KCNK5: variants seen among roughly 807,000 people sequenced by gnomAD.
KCNK5 encodes the protein potassium two pore domain channel subfamily K member 5.
KCNK5 carries 18 observed loss-of-function variants against 32.9 expected under a neutral mutation model. That is an observed-to-expected ratio of 0.55 (90% CI 0.38 to 0.81). KCNK5 has a LOEUF of 0.81. KCNK5 is among the 30% of genes least tolerant of loss of function. The pLI, the probability that KCNK5 is intolerant of heterozygous loss-of-function variation, is 0.00. For missense variants in KCNK5, 507 were observed against 651.0 expected, an observed-to-expected ratio of 0.78 and a Z score of 2.41; for synonymous variants, 276 against 275.3, an observed-to-expected ratio of 1.00 and a Z score of -0.03.
Position 39,209,666 on chromosome 6 carries a change from C to A in KCNK5, c.187-13679G>T, listed in dbSNP as rs187849373. Among the ~76,000 whole-genome samples the A allele has an allele frequency of 8.8e-4, 134 of 152,316 alleles. 1 individual carries two copies. The highest frequency in any genetic ancestry group is 3.1e-3 in the African/African-American group (130 of 41,552). ...TGCGAGAGGCAGAAGGAACGAGGGC[C>A]ATGCCTCAGACACACACACATCCTT... On this transcript the variant is annotated intron_variant, in intron 1 of 4. Transcript: ENST00000359534.
At chr6:39,201,042 G>T (rs374858918) in intron 1 of KCNK5, among the ~76,000 whole-genome samples, 9 of 152,134 alleles carry the variant, frequency 5.9e-5, no homozygotes, top group Non-Finnish European at 1.0e-4. Context: ...AGCTACTCCC[G>T]GCCCTGCCTC....
intron 1 of KCNK5, among the ~76,000 whole-genome samples, chr6:39,224,440 C>A (rs926880815): frequency 6.6e-6 from 1 of 152,162 alleles, no homozygotes; most frequent in African/African-American, 2.4e-5. Context: ...GTAATTTTGT[C>A]ATATATTTCA....
At chr6:39,224,966 G>A (rs945224024) in intron 1 of KCNK5, among the ~76,000 whole-genome samples, 2 of 151,190 alleles carry the variant, frequency 1.3e-5, no homozygotes, top group African/African-American at 2.4e-5. Context: ...GTGCAGTGGC[G>A]CAATCCAGGC....
At chr6:39,221,613 A>G (rs756396517) in intron 1 of KCNK5, among the ~76,000 whole-genome samples, 34 of 152,150 alleles carry the variant, frequency 2.2e-4, no homozygotes, top group Non-Finnish European at 2.6e-4. Context: ...CGCAGAAGTA[A>G]AAATTCATCT....
At chr6:39,205,047 G>C (rs1377802534) in intron 1 of KCNK5, among the ~76,000 whole-genome samples, 3 of 152,236 alleles carry the variant, frequency 2.0e-5, no homozygotes, top group Non-Finnish European at 4.4e-5. Context: ...TAATCCCCCA[G>C]GGCAGGGGGG....
intron 1 of KCNK5, among the ~76,000 whole-genome samples, chr6:39,205,368 C>T (rs1771206146): frequency 6.6e-6 from 1 of 152,188 alleles, no homozygotes; most frequent in Non-Finnish European, 1.5e-5. Flanking sequence ...CCCTCTGAGG[C>T]CATGCTCTCA....
rs1770878063 is a variant in KCNK5, at chr6:39,189,309, C to G, written c.*1581G>C. 6.6e-6 allele frequency: 1 copy of G among 152,348 alleles called. No individual in the cohort carries two copies. The highest frequency in any genetic ancestry group is 2.4e-5 in the African/African-American group (1 of 41,452). 9.4% of individuals were successfully genotyped at this position (152,348 alleles called of 1,614,324 possible). A position where few individuals can be genotyped will look rare whatever the true frequency, so the allele number is the denominator to read the frequency against. On this transcript the variant is annotated 3_prime_UTR_variant, in exon 5 of 5. Transcript: ENST00000359534. The stretch of plus-strand genomic sequence containing the variant: ...TCTGATGACTTGCTTCCTGCCCGGC[C>G]TCCAGTCACCCGCAGTGGATGCCCC...
At chr6:39,215,542 C>T (rs925797503) in intron 1 of KCNK5, among the ~76,000 whole-genome samples, 7 of 152,290 alleles carry the variant, frequency 4.6e-5, no homozygotes, top group Non-Finnish European at 7.3e-5. Context: ...TTGCATTAGA[C>T]ACAAAGGGTA....
rs1771003389 is a variant in KCNK5 at position 39,194,940 on chromosome 6, T to C, written c.299-180A>G. On this transcript the variant is annotated intron_variant, in intron 2 of 4. Coordinates refer to ENST00000359534, the MANE Select transcript of KCNK5 (RefSeq NM_003740.4). This position sits in a 1 kb window ranked among gnomAD's most constrained non-coding sequence, Gnocchi z 4.7. ...ATGATCATTGATAAAGCAATTATGA[T>C]GACATGAGCTGTATCTCCTCCATCA... 6.6e-6 allele frequency among the ~76,000 whole-genome samples: 1 copy of C among 152,226 alleles called. No individual in the cohort carries two copies. The highest frequency in any genetic ancestry group is 1.9e-4 in the East Asian group (1 of 5,200).
chr6:39,190,716 G>A lies in KCNK5; in HGVS notation c.*174C>T. The A allele has an allele frequency of 1.7e-6, 1 of 579,538 alleles. No individual in the cohort carries two copies. Among genetic ancestry groups the A allele is most frequent in the Non-Finnish European group, 2.8e-6 (1 of 353,568 alleles). 35.9% of individuals were successfully genotyped at this position (579,538 alleles called of 1,614,324 possible). A position where few individuals can be genotyped will look rare whatever the true frequency, so the allele number is the denominator to read the frequency against. On this transcript the variant is annotated 3_prime_UTR_variant, in exon 5 of 5. Coordinates refer to ENST00000359534, the MANE Select transcript of KCNK5 (RefSeq NM_003740.4). The stretch of plus-strand genomic sequence containing the variant: ...GGTTCAGCTGGAGAACAGAGGCCCT[G>A]TCCCGGGCATACATCTAGCTGAGGA...
At chr6:39,225,252 A>T (rs968048712) in intron 1 of KCNK5, among the ~76,000 whole-genome samples, 1 of 152,198 alleles carries the variant, frequency 6.6e-6, no homozygotes, top group African/African-American at 2.4e-5. Context: ...TACTTAATAA[A>T]TGCTTGCTAA....
intron 1 of KCNK5, among the ~76,000 whole-genome samples, chr6:39,203,508 C>T (rs1771166978): frequency 6.6e-6 from 1 of 152,240 alleles, no homozygotes; most frequent in African/African-American, 2.4e-5. Flanking sequence ...AATGCCACCA[C>T]TGGTCCCATC....
intron 4 of KCNK5, among the ~76,000 whole-genome samples, chr6:39,193,008 A>C (rs1452602622): frequency 6.6e-6 from 1 of 152,204 alleles, no homozygotes; most frequent in African/African-American, 2.4e-5. Context: ...GCTCTCAATC[A>C]CAAGCAGAGT....
chr6:39,228,866 A>T, intron 1 of KCNK5, 60 bp downstream of exon 1: 2 of 1,551,106 alleles, frequency 1.3e-6, no homozygotes, highest in East Asian at 4.5e-5. Context: ...TCTTCCTTTC[A>T]GCGCCCCCTA....
chr6:39,211,321 C>T (rs1405003162), intron 1 of KCNK5, among the ~76,000 whole-genome samples: 2 of 152,212 alleles, frequency 1.3e-5, no homozygotes, highest in Admixed American at 1.3e-4. Context: ...AAGGGAGCCA[C>T]TGCTGAACAA....
chr6:39,229,178 C>A lies in KCNK5; in HGVS notation c.-67G>T. ...CCCAGCTGCTACCAGTCCGCCCGCC[C>A]TCCAGCCTCTGAAAACAGCTGTTTG... On this transcript the variant is annotated 5_prime_UTR_variant, in exon 1 of 5. It adds an upstream start codon to the 5' untranslated region. Coordinates refer to ENST00000359534, the MANE Select transcript of KCNK5 (RefSeq NM_003740.4). The A allele has an allele frequency of 6.5e-7, 1 of 1,527,476 alleles. No individual in the cohort carries two copies. Among genetic ancestry groups the A allele is most frequent in the South Asian group, 1.2e-5 (1 of 86,848 alleles). The allele number at this position is 1,527,476 out of a possible 1,614,324, so 94.6% of individuals were successfully genotyped here. A position where few individuals can be genotyped will look rare whatever the true frequency, so the allele number is the denominator to read the frequency against.
intron 1 of KCNK5, among the ~76,000 whole-genome samples, chr6:39,197,706 T>C (rs1043585390): frequency 9.8e-5 from 15 of 152,360 alleles, no homozygotes; most frequent in Admixed American, 9.2e-4. Flanking sequence ...GTTAAACAGA[T>C]GGCAGAGAAA....
intron 1 of KCNK5, among the ~76,000 whole-genome samples, chr6:39,212,764 C>G (rs900676951): frequency 1.3e-5 from 2 of 152,210 alleles, no homozygotes; most frequent in Non-Finnish European, 2.9e-5. Context: ...CTTGGTGACT[C>G]TCTGTCCTGG....
At chr6:39,207,003 C>A (rs994973458) in intron 1 of KCNK5, among the ~76,000 whole-genome samples, 1 of 152,208 alleles carries the variant, frequency 6.6e-6, no homozygotes, top group African/African-American at 2.4e-5. Context: ...CTGCATGTGG[C>A]CTCCAGAGCT....
Sources: gnomAD v4.1 joint callset for allele counts (sites outside exome capture counted in the v4.1 genomes callset) on GRCh38, gnomAD v4.1.1 for gene constraint, Gnocchi (gnomAD v3.1) non-coding constraint, MANE v1.5 for transcripts, NCBI Gene and HGNC (gene_info 2026-07-23, HGNC 2026-07-21) for gene names.